Variants in APOLD1 observed in about 807,000 individuals in gnomAD.
The protein encoded by APOLD1 is apolipoprotein L domain containing 1, also known as apolipoprotein L domain-containing protein 1.
Under a neutral mutation model 15.3 loss-of-function variants are expected in APOLD1, and 22 were observed. The ratio of observed to expected loss-of-function variants is 1.44; its 90% CI spans 1.03 to 2.05. The LOEUF (loss-of-function observed/expected upper bound fraction) is 2.05, where lower values mean the gene tolerates loss of function less well. APOLD1 is among the 30% of genes most tolerant of loss of function. APOLD1 has a pLI of 0.00. For synonymous variants in APOLD1, 190 were observed against 167.4 expected, an observed-to-expected ratio of 1.13 and a Z score of -1.04; for missense variants, 394 against 353.5, an observed-to-expected ratio of 1.11 and a Z score of -0.92.
intron 1 of APOLD1, among the ~76,000 whole-genome samples, chr12:12,733,388 A>G (rs1395866315): frequency 2.0e-5 from 3 of 152,178 alleles, no homozygotes; most frequent in African/African-American, 7.2e-5. Flanking sequence ...AAAAGCAGGC[A>G]CAGAACAGTA....
intron 1 of APOLD1, among the ~76,000 whole-genome samples, chr12:12,767,671 C>A (rs1387988174): frequency 1.3e-5 from 2 of 151,990 alleles, no homozygotes; most frequent in Admixed American, 6.6e-5. Context: ...AAAACAAAAA[C>A]AAAAACAAAA....
At chr12:12,770,844 GA>G (rs1165448453) in intron 1 of APOLD1, among the ~76,000 whole-genome samples, 1 of 147,718 alleles carries the variant, frequency 6.8e-6, no homozygotes, top group Non-Finnish European at 1.5e-5. Flanking sequence ...TTAAGATAAA[GA>G]AAAAATCCAT....
upstream of APOLD1, among the ~76,000 whole-genome samples, chr12:12,784,275 A>G (rs530105862): frequency 1.3e-5 from 2 of 152,314 alleles, no homozygotes; most frequent in South Asian, 4.1e-4. Flanking sequence ...TCAGCTGAAG[A>G]ATCAGTGGTA....
In APOLD1 at chr12:12,788,857, A is replaced by G. The variant is rs886768684; in HGVS notation, c.*1205A>G. ...TGGTCTTCAGAGTCGTTCACAGATG[A>G]CCAAGGACAGACTGTGTCCCAGAAG... is the stretch of plus-strand genomic sequence containing the variant. On this transcript the variant is annotated 3_prime_UTR_variant, in exon 2 of 2. Coordinates refer to ENST00000356591, the MANE Select transcript of APOLD1 (RefSeq NM_030817.3). 6.6e-6 allele frequency: 1 copy of G among 151,704 alleles called. No homozygotes were observed. Among genetic ancestry groups the G allele is most frequent in the African/African-American group, 2.4e-5 (1 of 41,252 alleles). The allele number at this position is 151,704 out of a possible 1,614,324, so 9.4% of individuals were successfully genotyped here. A position where few individuals can be genotyped will look rare whatever the true frequency, so the allele number is the denominator to read the frequency against.
intron 1 of APOLD1, among the ~76,000 whole-genome samples, chr12:12,766,699 A>C (rs1946945162): frequency 6.6e-6 from 1 of 152,080 alleles, no homozygotes; most frequent in South Asian, 2.1e-4. Context: ...AAATACAAAA[A>C]TTAGCTGAGT....
At chr12:12,731,116 G>C (rs941556214) in intron 1 of APOLD1, among the ~76,000 whole-genome samples, 6 of 152,310 alleles carry the variant, frequency 3.9e-5, no homozygotes, top group African/African-American at 1.4e-4. Context: ...ACTCCAGCCT[G>C]GGCGACAGAG....
chr12:12,738,406 A>C (rs926683198), intron 1 of APOLD1, among the ~76,000 whole-genome samples: 1 of 151,792 alleles, frequency 6.6e-6, no homozygotes, highest in Non-Finnish European at 1.5e-5. Flanking sequence ...GGGTCTCACT[A>C]TGTTGCCCTG....
intron 1 of APOLD1, among the ~76,000 whole-genome samples, chr12:12,732,105 C>A (rs913590236): frequency 7.9e-5 from 12 of 152,196 alleles, no homozygotes; most frequent in Admixed American, 7.2e-4. Flanking sequence ...AAAACCATCA[C>A]CTTATTCTGG....
intron 1 of APOLD1, among the ~76,000 whole-genome samples, chr12:12,754,590 C>T (rs1018729507): frequency 6.6e-6 from 1 of 151,968 alleles, no homozygotes; most frequent in Non-Finnish European, 1.5e-5. Context: ...CTGTGACTAC[C>T]TGGCTAATTT....
At chr12:12,758,620 T>C (rs771250099) in intron 1 of APOLD1, among the ~76,000 whole-genome samples, 2 of 152,218 alleles carry the variant, frequency 1.3e-5, no homozygotes, top group Non-Finnish European at 2.9e-5. Context: ...GCCTTTCCTA[T>C]TGAATGAACA....
intron 1 of APOLD1, among the ~76,000 whole-genome samples, chr12:12,745,230 A>G (rs1408456103): frequency 2.6e-5 from 4 of 152,154 alleles, no homozygotes; most frequent in Non-Finnish European, 4.4e-5. Flanking sequence ...GATATTTGAA[A>G]GAGAATTTTA....
At chr12:12,746,033 A>G (rs558721616) in intron 1 of APOLD1, among the ~76,000 whole-genome samples, 12 of 152,220 alleles carry the variant, frequency 7.9e-5, no homozygotes, top group African/African-American at 2.9e-4. Flanking sequence ...ATGTGGTGTC[A>G]TCTGGCAGCT....
intron 1 of APOLD1, 103 bp downstream of exon 1, chr12:12,785,797 A>C: frequency 9.0e-7 from 1 of 1,107,688 alleles, no homozygotes; most frequent in Non-Finnish European, 1.4e-6. Context: ...GAAGCATGGA[A>C]GTAAAATTAA....
chr12:12,725,992 C>T, exon 1 of APOLD1: 1 of 1,498,386 alleles, frequency 6.7e-7, no homozygotes, highest in South Asian at 1.3e-5. Context: ...TAACCCAACT[C>T]GTTCACGGAT....
At position 12,787,575 on chromosome 12, in the gene APOLD1, G is replaced by A. The variant is rs752340623; in HGVS notation, c.670G>A (p.Val224Ile). The stretch of plus-strand genomic sequence containing the variant: ...ACTCAGCGAGCAGCTGGAGTCTCGG[G>A]TTCAGCTCTGCACCAAGTCCAGTCG... ...DELSEQLESR[V>I]QLCTKSSRGH... Residue 224 changes from valine to isoleucine, a missense_variant, in exon 2 of 2, where the codon GTT becomes ATT. Coordinates refer to ENST00000356591, the MANE Select transcript of APOLD1 (RefSeq NM_030817.3). The surrounding 1 kb of genome is among the most constrained non-coding windows in gnomAD (Gnocchi z 4.9). 2.5e-6 allele frequency: 4 copies of A among 1,612,902 alleles called. No homozygotes were observed. In the Admixed American group the frequency reaches 5.0e-5, roughly 20 times the overall value.
exon 1 of APOLD1, chr12:12,725,961 A>C (rs757006225): frequency 2.0e-4 from 281 of 1,431,850 alleles, no homozygotes; most frequent in Admixed American, 6.6e-4. Context: ...AGCGATCTGC[A>C]GCTTCGCGGG....
chr12:12,736,014 C>T (rs1291665688), intron 1 of APOLD1, among the ~76,000 whole-genome samples: 1 of 152,120 alleles, frequency 6.6e-6, no homozygotes, highest in Non-Finnish European at 1.5e-5. Flanking sequence ...AGGTGGATCA[C>T]TTGAACCCAG....
At chr12:12,779,643 C>T (rs1947064318) in intron 1 of APOLD1, among the ~76,000 whole-genome samples, 1 of 152,106 alleles carries the variant, frequency 6.6e-6, no homozygotes, top group Non-Finnish European at 1.5e-5. Flanking sequence ...GATGTCCTGG[C>T]AACTCTAGTT....
Position 12,746,510 on chromosome 12 carries a change from A to AATAAATACATAAATACATAAATAC in APOLD1, c.96+20433_96+20434insAATACATAAATACATAAATACATA, listed in dbSNP as rs144931163. ...AAACTCCATCTCAAATAAATAAATA[A>AATAAATACATAAATACATAAATAC]ATAAATACATAAATACATACATACA... On this transcript the variant is annotated intron_variant, in intron 1 of 1. Transcript: ENST00000326765. Among the ~76,000 whole-genome samples the AATAAATACATAAATACATAAATAC allele has an allele frequency of 1.4e-3, 206 of 149,948 alleles. 2 individuals carry two copies. The highest frequency in any genetic ancestry group is 4.9e-3 in the African/African-American group (199 of 40,600).
Sources: gnomAD v4.1 joint callset for allele counts (sites outside exome capture counted in the v4.1 genomes callset) on GRCh38, gnomAD v4.1.1 for gene constraint, Gnocchi (gnomAD v3.1) non-coding constraint, MANE v1.5 for transcripts, NCBI Gene and HGNC (gene_info 2026-07-23, HGNC 2026-07-21) for gene names.